The following PIK3CD variants were observed in gnomAD, a reference collection of about 807,000 sequenced individuals.
The protein encoded by PIK3CD is phosphatidylinositol-4,5-bisphosphate 3-kinase catalytic subunit delta.
A neutral mutation model predicts 122.9 loss-of-function variants in PIK3CD; 20 were observed. The observed-to-expected ratio is 0.16, with a 90% CI of 0.11 to 0.24. PIK3CD has a LOEUF of 0.24. Among genes scored for constraint, PIK3CD ranks in the 10% least tolerant of loss-of-function variants. The pLI, the probability that PIK3CD is intolerant of heterozygous loss-of-function variation, is 1.00. For missense variants in PIK3CD, 787 were observed against 1,406.3 expected, an observed-to-expected ratio of 0.56 and a Z score of 7.04; for synonymous variants, 596 against 593.4, an observed-to-expected ratio of 1.00 and a Z score of -0.06.
chr1:9,671,457 G>T (rs949950932), intron 1 of PIK3CD, among the ~76,000 whole-genome samples: 2 of 152,162 alleles, frequency 1.3e-5, no homozygotes, highest in Non-Finnish European at 2.9e-5. Flanking sequence ...AGCCTCTCAA[G>T]TAGCTGGGAC....
the PIK3CD span, among the ~76,000 whole-genome samples, chr1:9,644,800 A>ATTAC: frequency 6.6e-6 from 1 of 152,088 alleles, no homozygotes; most frequent in African/African-American, 2.4e-5. Context: ...ACCAACATGC[A>ATTAC]TTACTTACAT....
chr1:9,676,381 G>T (rs1221720340), intron 1 of PIK3CD, among the ~76,000 whole-genome samples: 1 of 152,244 alleles, frequency 6.6e-6, no homozygotes, highest in Non-Finnish European at 1.5e-5. Context: ...GCTCTTGAAG[G>T]TCCTTGTGTC....
rs191688879 is a variant in PIK3CD, at chr1:9,698,229, G to A, written c.-33+6658G>A. On this transcript the variant is annotated intron_variant, in intron 2 of 23. Transcript: ENST00000377346. ...ACGATCTCGGCTCACTGTAACCTCC[G>A]CCTCCCAGGTTCAAGCAATTCTCCT... 5.5e-3 allele frequency among the ~76,000 whole-genome samples: 828 copies of A among 151,892 alleles called. 12 individuals carry two copies. Among genetic ancestry groups the A allele is most frequent in the African/African-American group, 0.019 (795 of 41,398 alleles).
the PIK3CD span, among the ~76,000 whole-genome samples, chr1:9,636,837 C>T: frequency 6.6e-6 from 1 of 152,192 alleles, no homozygotes; most frequent in Non-Finnish European, 1.5e-5. Context: ...TGAACCTCCA[C>T]CTATCAAGTT....
intron 1 of PIK3CD, among the ~76,000 whole-genome samples, chr1:9,661,995 C>CA (rs35250552): frequency 1.1e-3 from 144 of 136,644 alleles, no homozygotes; most frequent in African/African-American, 2.0e-3. Flanking sequence ...GACTCTGTCT[C>CA]AAAAAAAAAA....
chr1:9,677,381 C>T (rs1645577415), intron 1 of PIK3CD, among the ~76,000 whole-genome samples: 1 of 152,156 alleles, frequency 6.6e-6, no homozygotes, highest in South Asian at 2.1e-4. Context: ...TGCGGTGGCT[C>T]ACGCCTGTAA....
At chr1:9,691,995 TG>T in intron 2 of PIK3CD, 1 of 153,832 alleles carries the variant, frequency 6.5e-6, no homozygotes, top group Non-Finnish European at 1.4e-5. Flanking sequence ...AGTCCCTAGG[TG>T]GGGCCGTTCT....
Position 9,710,387 on chromosome 1 carries a change from G to A in PIK3CD, c.-32-37G>A. ...CCTTCCAAAGGTCTCACCCAGCTCA[G>A]CTGAGGTAACTCATTTTGCCATTTC... On this transcript the variant is annotated intron_variant, in intron 2 of 23. Coordinates refer to ENST00000377346, the MANE Select transcript of PIK3CD (RefSeq NM_005026.5). This position sits in a 1 kb window ranked among gnomAD's most constrained non-coding sequence, Gnocchi z 4.7. 2.6e-6 allele frequency: 4 copies of A among 1,535,032 alleles called. No individual in the cohort carries two copies. The South Asian group carries it at 3.4e-5, about 13-fold the overall frequency.
the PIK3CD span, among the ~76,000 whole-genome samples, chr1:9,632,592 C>T: frequency 6.6e-6 from 1 of 152,132 alleles, no homozygotes; most frequent in African/African-American, 2.4e-5. Flanking sequence ...ATCTATAGAG[C>T]AAAAATGTGG....
rs143575165 is a variant in PIK3CD at position 9,723,269 on chromosome 1, C to T, written c.2571C>T (p.Asn857=). ...TAAFNKDALL[N]WLKSKNPGEA... ...CCTTCAACAAGGATGCCCTGCTCAA[C>T]TGGCTGAAGTCCAAGAACCCGGGGT... The change falls in exon 20 of 24, where the codon AAC becomes AAT. Residue 857 remains asparagine, a synonymous_variant. Coordinates refer to ENST00000377346, the MANE Select transcript of PIK3CD (RefSeq NM_005026.5). The surrounding 1 kb of genome is among the most constrained non-coding windows in gnomAD (Gnocchi z 4.9). 4.6e-5 allele frequency: 75 copies of T among 1,614,030 alleles called. No individual in the cohort carries two copies. In the African/African-American group the frequency reaches 9.7e-4, roughly 21 times the overall value.
At chr1:9,703,498 C>G (rs778357231) in intron 2 of PIK3CD, among the ~76,000 whole-genome samples, 1 of 152,328 alleles carries the variant, frequency 6.6e-6, no homozygotes, top group South Asian at 2.1e-4. Flanking sequence ...GCCTCCCATG[C>G]GCCCTTCTAG....
chr1:9,648,888 G>C (rs897555425), upstream of PIK3CD, among the ~76,000 whole-genome samples: 1 of 152,172 alleles, frequency 6.6e-6, no homozygotes, highest in Non-Finnish European at 1.5e-5. Context: ...GATCACCCGA[G>C]GCCTGAGTGT....
At chr1:9,696,739 G>A (rs1431370612) in intron 2 of PIK3CD, among the ~76,000 whole-genome samples, 1 of 150,036 alleles carries the variant, frequency 6.7e-6, no homozygotes, top group Middle Eastern at 3.4e-3. Context: ...AAAAAAAAAA[G>A]AGAGAAGAAA....
rs145634289 is a variant in PIK3CD at position 9,705,403 on chromosome 1, T to C, written c.-32-5021T>C. 9.5e-3 allele frequency among the ~76,000 whole-genome samples: 1,430 copies of C among 151,152 alleles called. 27 individuals are homozygous for C. Among genetic ancestry groups the C allele is most frequent in the African/African-American group, 0.033 (1,357 of 41,164 alleles). ...TCCCAGCTACCTGGGAGCCTGAGGT[T>C]GGGAGGATCACCTGAGCCTGGGAGG... On this transcript the variant is annotated intron_variant, in intron 2 of 23. Coordinates refer to ENST00000377346, the MANE Select transcript of PIK3CD (RefSeq NM_005026.5).
chr1:9,710,904 G>A lies in PIK3CD; in HGVS notation c.141+308G>A, dbSNP rs1209975768. On this transcript the variant is annotated intron_variant, in intron 3 of 23. Transcript: ENST00000377346. This position sits in a 1 kb window ranked among gnomAD's most constrained non-coding sequence, Gnocchi z 4.7. ...GGGTTCAAGAGATTCTTCCGCCTCAGCCTCCTGAGTAGCTGGGATTACAGG... is the reference window on the plus strand; with the variant it reads ...GGGTTCAAGAGATTCTTCCGCCTCAACCTCCTGAGTAGCTGGGATTACAGG... Among the ~76,000 whole-genome samples the A allele has an allele frequency of 2.0e-5, 3 of 152,100 alleles. No homozygotes were observed. Among genetic ancestry groups the A allele is most frequent in the African/African-American group, 7.2e-5 (3 of 41,424 alleles).
chr1:9,720,521 A>G lies in PIK3CD; in HGVS notation c.1471-90A>G, dbSNP rs1648376083. 1.3e-6 allele frequency: 2 copies of G among 1,542,462 alleles called. No homozygotes were observed. The highest frequency in any genetic ancestry group is 1.8e-6 in the Non-Finnish European group (2 of 1,141,618). ...CCATGCAGAGGACAGCGCCCCCTCA[A>G]GGATGATTGGGGTGGCAATGCCCGG... On this transcript the variant is annotated intron_variant, in intron 11 of 23. Transcript: ENST00000377346. The surrounding 1 kb of genome is among the most constrained non-coding windows in gnomAD (Gnocchi z 9.0).
At chr1:9,629,394 C>T in the PIK3CD span, among the ~76,000 whole-genome samples, 6,437 of 152,002 alleles carry the variant, frequency 0.042, 525 homozygotes, top group East Asian at 0.38. Flanking sequence ...GACCCTCTCC[C>T]CTTTCTTACC....
In PIK3CD at chr1:9,722,623, C is replaced by G; in HGVS notation, c.2426+17C>G. 1.2e-6 allele frequency: 2 copies of G among 1,605,438 alleles called. No individual in the cohort carries two copies. Among genetic ancestry groups the G allele is most frequent in the South Asian group, 2.2e-5 (2 of 90,904 alleles). The stretch of plus-strand genomic sequence containing the variant: ...GGACCTGAGGTGAGGACCCCCACCC[C>G]ACATCGTCCCTTGGTGTCTGTGCCC... On this transcript the variant is annotated intron_variant, in intron 19 of 23. Transcript: ENST00000377346. This position sits in a 1 kb window ranked among gnomAD's most constrained non-coding sequence, Gnocchi z 7.6.
intron 2 of PIK3CD, among the ~76,000 whole-genome samples, chr1:9,692,886 T>C (rs534344798): frequency 3.2e-4 from 48 of 152,262 alleles, no homozygotes; most frequent in Admixed American, 1.0e-3. Flanking sequence ...GGGTGCTTCT[T>C]TGGAACCCCA....
Sources: allele counts gnomAD v4.1 joint callset (sites outside exome capture counted in the v4.1 genomes callset), GRCh38; gene constraint gnomAD v4.1.1; non-coding constraint Gnocchi (gnomAD v3.1); transcripts MANE v1.5; gene names NCBI Gene and HGNC (gene_info 2026-07-23, HGNC 2026-07-21).